Variants in NRSN1 observed in about 807,000 individuals in gnomAD.
NRSN1 encodes the protein neurensin-1.
NRSN1 carries 14 observed loss-of-function variants against 17.3 expected under a neutral mutation model. The ratio of observed to expected loss-of-function variants is 0.81; its 90% CI spans 0.54 to 1.27. The LOEUF is 1.27. Among genes scored for constraint, NRSN1 ranks in the 50% most tolerant of loss-of-function variants. NRSN1 has a pLI of 0.00. For synonymous variants in NRSN1, 79 were observed against 94.2 expected (o/e 0.84, Z 0.93); for missense variants, 209 against 235.9 (o/e 0.89, Z 0.75).
intron 3 of NRSN1, among the ~76,000 whole-genome samples, chr6:24,140,126 AATTAGATTTGAC>A (rs1336997994): frequency 1.3e-5 from 2 of 152,218 alleles, no homozygotes; most frequent in South Asian, 2.1e-4. Flanking sequence ...CTAAAAAATA[AATTAGATTTGAC>A]ATTAGATTTG....
At chr6:24,129,828 G>C (rs1581547069) in intron 2 of NRSN1, 1 of 152,274 alleles carries the variant, frequency 6.6e-6, no homozygotes, top group East Asian at 1.9e-4. Flanking sequence ...AGCAAGTAGA[G>C]CATCCTTCAG....
chr6:24,127,107 T>C (rs1759961660), intron 1 of NRSN1, among the ~76,000 whole-genome samples: 1 of 150,392 alleles, frequency 6.6e-6, no homozygotes, highest in African/African-American at 2.5e-5. Flanking sequence ...AAGAAAGAGA[T>C]ACAGATGGGG....
At chr6:24,138,682 A>G (rs570622253) in intron 3 of NRSN1, among the ~76,000 whole-genome samples, 11 of 152,252 alleles carry the variant, frequency 7.2e-5, no homozygotes, top group Non-Finnish European at 1.6e-4. Flanking sequence ...TTTCCTCTCA[A>G]GACCCAGGTT....
chr6:24,134,649 T>G, intron 3 of NRSN1, 133 bp downstream of exon 3: 1 of 707,744 alleles, frequency 1.4e-6, no homozygotes. Flanking sequence ...AAATGCATTT[T>G]TCTTACCTTA....
intron 2 of NRSN1, among the ~76,000 whole-genome samples, chr6:24,130,830 G>A (rs910866885): frequency 9.9e-5 from 15 of 152,032 alleles, no homozygotes; most frequent in Non-Finnish European, 1.9e-4. Context: ...GAGTCATTCC[G>A]TACAGACAAA....
At chr6:24,140,978 C>A in intron 3 of NRSN1, 1 of 1,419,098 alleles carries the variant, frequency 7.0e-7, no homozygotes, top group Non-Finnish European at 9.2e-7. Flanking sequence ...TCGGAAGTTA[C>A]AGCACAAAAA....
At chr6:24,131,775 A>G (rs2113711892) in intron 2 of NRSN1, among the ~76,000 whole-genome samples, 1 of 152,358 alleles carries the variant, frequency 6.6e-6, no homozygotes, top group South Asian at 2.1e-4. Flanking sequence ...AGCATTAAAT[A>G]GAAGGTACTG....
Position 24,134,513 on chromosome 6 carries a change from G to A in NRSN1, c.186G>A (p.Trp62Ter). ...RSPNRWSSVF[W>*]KVGLISGTVF... ...CTAACAGGTGGAGCTCAGTATTCTG[G>A]AAGGTAAGGAAGGAGCATGTGTTTA... is the stretch of plus-strand genomic sequence containing the variant. Residue 62 changes from tryptophan (W) to a stop codon, truncating the protein, a stop_gained, in exon 3 of 4, where the codon TGG becomes TGA. Transcript: ENST00000378491. LOFTEE classifies it high-confidence loss of function. 3 of 1,613,342 alleles carry A rather than the reference G, an allele frequency of 1.9e-6. No homozygotes were observed. The highest frequency in any genetic ancestry group is 2.5e-6 in the Non-Finnish European group (3 of 1,179,426).
At chr6:24,141,720 C>T (rs1349360376) in intron 3 of NRSN1, among the ~76,000 whole-genome samples, 4 of 152,168 alleles carry the variant, frequency 2.6e-5, no homozygotes, top group East Asian at 1.9e-4. Flanking sequence ...GGATTTTCAT[C>T]GAAAGCACTG....
chr6:24,134,628 T>A, intron 3 of NRSN1, 112 bp downstream of exon 3: 2 of 809,116 alleles, frequency 2.5e-6, no homozygotes, highest in South Asian at 1.8e-5. Context: ...TGCATCACTC[T>A]TGGTGATACT....
chr6:24,136,046 G>A (rs1760115140), intron 3 of NRSN1, among the ~76,000 whole-genome samples: 1 of 152,142 alleles, frequency 6.6e-6, no homozygotes, highest in Non-Finnish European at 1.5e-5. Context: ...TCTAACCTCA[G>A]ACTACATGAG....
chr6:24,146,268 TA>T lies in NRSN1; in HGVS notation c.*323del, dbSNP rs1760304320. 1.7e-6 allele frequency: 1 copy of T among 577,556 alleles called. No homozygotes were observed. The highest frequency in any genetic ancestry group is 3.4e-6 in the Non-Finnish European group (1 of 296,822). 35.8% of individuals were successfully genotyped at this position (577,556 alleles called of 1,614,324 possible). On this transcript the variant is annotated 3_prime_UTR_variant, in exon 4 of 4. Transcript: ENST00000378491. ...TGTTGTTTGAAAGTGCCGAACAGTT[TA>T]GACCAGCTCACCAATGGCTAATGTG...
rs71002461 is a variant in NRSN1, at chr6:24,134,004, T to TTGTGTGTGTGTGTGTGTGTG, written c.-9-297_-9-278dup. On this transcript the variant is annotated intron_variant, in intron 2 of 3. Transcript: ENST00000378491. ...GGTGCCCACCACCACACCCAGCTAA[T>TTGTGTGTGTGTGTGTGTGTG]TGTGTGTGTGTGTGTGTGTGTGTGT... Among the ~76,000 whole-genome samples the TTGTGTGTGTGTGTGTGTGTG allele has an allele frequency of 1.0e-3, 135 of 132,942 alleles. 1 individual carries two copies. The highest frequency in any genetic ancestry group is 3.6e-3 in the Middle Eastern group (1 of 276). 87.2% of individuals were successfully genotyped at this position (132,942 alleles called of 152,430 possible). A position where few individuals can be genotyped will look rare whatever the true frequency, so the allele number is the denominator to read the frequency against.
chr6:24,141,333 G>A (rs1760199504), intron 3 of NRSN1: 1 of 1,074,914 alleles, frequency 9.3e-7, no homozygotes, highest in African/African-American at 1.6e-5. Flanking sequence ...TACTCAGCAT[G>A]GTACCAAGAC....
chr6:24,142,212 T>TTTTTTTTTTTTTTTTTC lies in NRSN1; in HGVS notation c.190-3334_190-3333insTTTTTTTTTTTTTTCTT, dbSNP rs1484150562. Among the ~76,000 whole-genome samples the TTTTTTTTTTTTTTTTTC allele has an allele frequency of 6.3e-3, 854 of 134,544 alleles. 69 individuals carry two copies. Among genetic ancestry groups the TTTTTTTTTTTTTTTTTC allele is most frequent in the Non-Finnish European group, 9.5e-3 (577 of 60,502 alleles). 88.3% of individuals were successfully genotyped at this position (134,544 alleles called of 152,430 possible). On this transcript the variant is annotated intron_variant, in intron 3 of 3. Transcript: ENST00000378491. ...ACAGCTTTTTTTTTTTTTTTTTTTT[T>TTTTTTTTTTTTTTTTTC]TTCAGAAGACATCCTATTGACTCTT...
intron 2 of NRSN1, among the ~76,000 whole-genome samples, chr6:24,132,760 G>T (rs1296181051): frequency 6.6e-6 from 1 of 152,062 alleles, no homozygotes; most frequent in South Asian, 2.1e-4. Context: ...ATGTGCCATG[G>T]TGATGTGTTG....
rs375406085 is a variant in NRSN1 at position 24,134,060 on chromosome 6, T to C, written c.-9-259T>C. 2.1e-4 allele frequency among the ~76,000 whole-genome samples: 30 copies of C among 145,764 alleles called. 1 individual carries two copies. The East Asian group carries it at 3.3e-3, about 16-fold the overall frequency. On this transcript the variant is annotated intron_variant, in intron 2 of 3. Transcript: ENST00000378491. ...TGTGTGTTTTTAGTAGAGACAGGGT[T>C]TCACCGTGTTAGCCAGGATGGTCTC...
intron 3 of NRSN1, among the ~76,000 whole-genome samples, chr6:24,143,527 A>G (rs766957172): frequency 1.1e-4 from 16 of 152,174 alleles, no homozygotes; most frequent in Non-Finnish European, 2.1e-4. Context: ...TTATTAGTAT[A>G]TTATCTCAAA....
chr6:24,146,108 C>T lies in NRSN1; in HGVS notation c.*162C>T. On this transcript the variant is annotated 3_prime_UTR_variant, in exon 4 of 4. Coordinates refer to ENST00000378491, the MANE Select transcript of NRSN1 (RefSeq NM_080723.5). ...TCACACTTGCTCAGTTCAGGCAGCT[C>T]TGCTGGAGGGCGGTGCCATGCCTAA... 1 of 790,688 alleles carries T rather than the reference C, an allele frequency of 1.3e-6. No individual in the cohort carries two copies. 49.0% of individuals were successfully genotyped at this position (790,688 alleles called of 1,614,324 possible).
Sources: gnomAD v4.1 joint callset for allele counts (sites outside exome capture counted in the v4.1 genomes callset) on GRCh38, gnomAD v4.1.1 for gene constraint, MANE v1.5 for transcripts, NCBI Gene and HGNC (gene_info 2026-07-23, HGNC 2026-07-21) for gene names.